GABRA3: variants seen among roughly 807,000 people sequenced by gnomAD.
GABRA3 encodes the protein gamma-aminobutyric acid type A receptor subunit alpha3.
A neutral mutation model predicts 30.1 loss-of-function variants in GABRA3; 10 were observed. The observed-to-expected ratio is 0.33, with a 90% CI of 0.20 to 0.56. The LOEUF (loss-of-function observed/expected upper bound fraction) is 0.56, where lower values mean the gene tolerates loss of function less well. GABRA3 is among the 20% of genes least tolerant of loss of function. The pLI, the probability that GABRA3 is intolerant of heterozygous loss-of-function variation, is 0.89. For missense variants in GABRA3, 233 were observed against 392.0 expected (o/e 0.59, Z 3.42); for synonymous variants, 151 against 146.8 (o/e 1.03, Z -0.21).
chrX:152,442,620 A>T (rs969228732), intron 1 of GABRA3, among the ~76,000 whole-genome samples: 5 of 112,017 alleles, frequency 4.5e-5, no homozygotes, highest in Non-Finnish European at 9.4e-5. Context: ...GCTAGTAAGT[A>T]GAAGAGCTGA....
At chrX:152,398,419 T>A (rs1156784245) in intron 1 of GABRA3, among the ~76,000 whole-genome samples, 1 of 111,392 alleles carries the variant, frequency 9.0e-6, no homozygotes, top group African/African-American at 3.3e-5. Flanking sequence ...ACCATTTTTC[T>A]GGCCCTTCCC....
At chrX:152,241,673 A>C (rs766629462) in intron 5 of GABRA3, among the ~76,000 whole-genome samples, 1 of 108,249 alleles carries the variant, frequency 9.2e-6, no homozygotes, top group East Asian at 2.9e-4. Context: ...TGGGCGTAGG[A>C]CCCTCTGAGC....
chrX:152,435,308 C>T lies in GABRA3; in HGVS notation c.-27+15838G>A, dbSNP rs141705806. 7.5e-3 allele frequency among the ~76,000 whole-genome samples: 838 copies of T among 111,074 alleles called. 13 individuals are homozygous for T. The highest frequency in any genetic ancestry group is 0.019 in the Middle Eastern group (4 of 212). On this transcript the variant is annotated intron_variant, in intron 1 of 9. Coordinates refer to ENST00000370314, the MANE Select transcript of GABRA3 (RefSeq NM_000808.4). ...GGTGCATGCACACGTTTGTTTATTG[C>T]GGCACTGTTCACAATAGCAAAGACT... is the stretch of plus-strand genomic sequence containing the variant.
intron 4 of GABRA3, among the ~76,000 whole-genome samples, chrX:152,280,221 C>T (rs938771585): frequency 1.4e-4 from 15 of 111,050 alleles, no homozygotes; most frequent in African/African-American, 4.6e-4. Context: ...CTCTATGTTA[C>T]GTAAAAATAT....
intron 9 of GABRA3, among the ~76,000 whole-genome samples, chrX:152,188,820 G>C (rs1160790843): frequency 8.9e-6 from 1 of 111,748 alleles, no homozygotes; most frequent in African/African-American, 3.3e-5. Flanking sequence ...GGAGTACCAG[G>C]ATGGTCCTGA....
At chrX:152,377,535 T>A (rs993309608) in intron 1 of GABRA3, among the ~76,000 whole-genome samples, 32 of 110,894 alleles carry the variant, frequency 2.9e-4, no homozygotes, top group Admixed American at 1.5e-3. Context: ...CAAAACTTTA[T>A]TTTGGGGAGA....
At chrX:152,316,742 T>C (rs1459202642) in intron 3 of GABRA3, among the ~76,000 whole-genome samples, 4 of 112,037 alleles carry the variant, frequency 3.6e-5, no homozygotes, top group Non-Finnish European at 7.5e-5. Context: ...GCCAAGAATT[T>C]TGTATCCAGT....
chrX:152,292,912 G>A lies in GABRA3; in HGVS notation c.263-8177C>T, dbSNP rs778468411. Among the ~76,000 whole-genome samples, 39 of 112,074 alleles carry A rather than the reference G, an allele frequency of 3.5e-4. 1 individual carries two copies. Among genetic ancestry groups the A allele is most frequent in the African/African-American group, 1.2e-3 (38 of 30,863 alleles). On this transcript the variant is annotated intron_variant, in intron 3 of 9. Coordinates refer to ENST00000370314, the MANE Select transcript of GABRA3 (RefSeq NM_000808.4). ...CTAACTTGATTGCACTGTGGTCTGA[G>A]AGACAGTTTGTTGTGATTTCTGTTC...
At chrX:152,413,839 A>C (rs1930136554) in intron 1 of GABRA3, among the ~76,000 whole-genome samples, 1 of 110,883 alleles carries the variant, frequency 9.0e-6, no homozygotes, top group Admixed American at 9.7e-5. Flanking sequence ...GGAAGGAAAG[A>C]CTTTAAACTG....
At chrX:152,248,455 T>C (rs1938496386) in intron 5 of GABRA3, among the ~76,000 whole-genome samples, 1 of 111,257 alleles carries the variant, frequency 9.0e-6, no homozygotes, top group African/African-American at 3.3e-5. Context: ...AACTTGCACG[T>C]TGTGCACATG....
intron 4 of GABRA3, among the ~76,000 whole-genome samples, chrX:152,275,366 A>G (rs191407165): frequency 2.9e-4 from 27 of 92,634 alleles, no homozygotes; most frequent in Non-Finnish European, 4.3e-4. Flanking sequence ...TATTTTAAAT[A>G]TAAAATATAT....
chrX:152,300,641 C>T (rs914304557), intron 3 of GABRA3, among the ~76,000 whole-genome samples: 3 of 112,018 alleles, frequency 2.7e-5, no homozygotes, highest in Non-Finnish European at 3.8e-5. Context: ...AAGGAAAACA[C>T]GTTCGAAATG....
intron 1 of GABRA3, among the ~76,000 whole-genome samples, chrX:152,430,586 T>C (rs745328526): frequency 6.1e-4 from 68 of 111,321 alleles, no homozygotes; most frequent in Non-Finnish European, 1.0e-3. Context: ...CTTCAAGGAA[T>C]AAAAGCCCCA....
intron 5 of GABRA3, among the ~76,000 whole-genome samples, chrX:152,243,001 T>G (rs1317471665): frequency 8.9e-6 from 1 of 112,126 alleles, no homozygotes; most frequent in Admixed American, 9.5e-5. Flanking sequence ...TAAAAAGATG[T>G]GGTATATATA....
chrX:152,375,900 C>T (rs1456978053), intron 1 of GABRA3, among the ~76,000 whole-genome samples: 3 of 111,152 alleles, frequency 2.7e-5, no homozygotes, highest in African/African-American at 9.9e-5. Context: ...AGAGACAAAC[C>T]ACCCATATTA....
chrX:152,367,300 G>A (rs1928683704), intron 1 of GABRA3, among the ~76,000 whole-genome samples: 1 of 111,722 alleles, frequency 9.0e-6, no homozygotes, highest in African/African-American at 3.3e-5. Context: ...GGAGCAGATT[G>A]GCTATGAAAC....
intron 5 of GABRA3, among the ~76,000 whole-genome samples, chrX:152,225,581 T>A (rs12008980): frequency 0.024 from 2,669 of 111,074 alleles, 44 homozygotes; most frequent in Middle Eastern, 0.07. Context: ...GCTGGATGGA[T>A]TGCTCAGTGG....
chrX:152,432,269 G>A lies in GABRA3; in HGVS notation c.-27+18877C>T, dbSNP rs190148092. ...GTATATGCATGTTATTTAGAAATAC[G>A]GTATAAATACCAAAAGAATAATCTG... On this transcript the variant is annotated intron_variant, in intron 1 of 9. Coordinates refer to ENST00000370314, the MANE Select transcript of GABRA3 (RefSeq NM_000808.4). Among the ~76,000 whole-genome samples the A allele has an allele frequency of 8.1e-5, 9 of 111,225 alleles. No homozygotes were observed. The East Asian group carries it at 1.7e-3, about 21-fold the overall frequency.
At chrX:152,363,779 A>G (rs1448584521) in intron 2 of GABRA3, among the ~76,000 whole-genome samples, 1 of 112,144 alleles carries the variant, frequency 8.9e-6, no homozygotes, top group Non-Finnish European at 1.9e-5. Flanking sequence ...TTTATATTTT[A>G]TGCATGTTTC....
Sources: allele counts gnomAD v4.1 joint callset (sites outside exome capture counted in the v4.1 genomes callset), GRCh38; gene constraint gnomAD v4.1.1; transcripts MANE v1.5; gene names NCBI Gene and HGNC (gene_info 2026-07-23, HGNC 2026-07-21).